The following USO1 variants were observed in gnomAD, a reference collection of about 807,000 sequenced individuals.
USO1 encodes the protein USO1 vesicle transport factor.
Under a neutral mutation model 124.5 loss-of-function variants are expected in USO1, and 57 were observed. The observed-to-expected ratio is 0.46, with a 90% confidence interval of 0.37 to 0.57. The LOEUF is 0.57. Among genes scored for constraint, USO1 ranks in the 20% least tolerant of loss-of-function variants. The pLI is 0.00. For synonymous variants in USO1, 369 were observed against 362.8 expected, an observed-to-expected ratio of 1.02 and a Z score of -0.19; for missense variants, 900 against 1,040.6, an observed-to-expected ratio of 0.86 and a Z score of 1.86.
intron 4 of USO1, among the ~76,000 whole-genome samples, chr4:75,765,194 G>A (rs1217682813): frequency 1.3e-5 from 2 of 152,130 alleles, no homozygotes; most frequent in Non-Finnish European, 2.9e-5. Context: ...TTTCTTGAGG[G>A]AGACAATTCT....
intron 1 of USO1, among the ~76,000 whole-genome samples, chr4:75,735,620 A>C (rs1231747923): frequency 3.3e-5 from 5 of 152,036 alleles, no homozygotes; most frequent in Non-Finnish European, 7.4e-5. Context: ...TCCTATACTC[A>C]AGCAACCTTC....
chr4:75,805,658 G>A (rs1040847895), intron 19 of USO1, among the ~76,000 whole-genome samples: 8 of 149,604 alleles, frequency 5.3e-5, no homozygotes, highest in Non-Finnish European at 1.2e-4. Flanking sequence ...AGTGAGCCGA[G>A]ATCACCCCAC....
intron 1 of USO1, 89 bp downstream of exon 1, chr4:75,724,974 GTCCC>G: frequency 1.4e-6 from 2 of 1,445,744 alleles, no homozygotes; most frequent in Non-Finnish European, 1.9e-6. Context: ...CACCTCCAGC[GTCCC>G]ACCATGGAGG....
rs1722146421 is a variant in USO1, at chr4:75,778,983, C to T, written c.677-3697C>T. Reference sequence around the variant, plus strand: ...TTGACTCCATTTATCCAACAGCACGCCCTCACTTCATGTCTCTGTCACAAT... The same window carrying T: ...TTGACTCCATTTATCCAACAGCACGTCCTCACTTCATGTCTCTGTCACAAT... On this transcript the variant is annotated intron_variant, in intron 8 of 23. Transcript: ENST00000514213. Among the ~76,000 whole-genome samples the T allele has an allele frequency of 3.9e-5, 6 of 152,138 alleles. No homozygotes were observed. In the South Asian group the frequency reaches 1.2e-3, roughly 32 times the overall value.
chr4:75,737,363 A>G (rs910444740), intron 1 of USO1, among the ~76,000 whole-genome samples: 2 of 152,250 alleles, frequency 1.3e-5, no homozygotes, highest in Non-Finnish European at 2.9e-5. Flanking sequence ...GCACATTAGC[A>G]TGTAAACCTC....
intron 7 of USO1, among the ~76,000 whole-genome samples, chr4:75,772,612 A>G (rs1009447857): frequency 3.9e-5 from 6 of 152,110 alleles, no homozygotes; most frequent in East Asian, 1.9e-4. Flanking sequence ...GTATCTATCT[A>G]TTAGAAATTT....
intron 8 of USO1, among the ~76,000 whole-genome samples, chr4:75,781,546 C>G (rs1013868422): frequency 6.6e-6 from 1 of 152,128 alleles, no homozygotes; most frequent in African/African-American, 2.4e-5. Context: ...ATTCTTTGGA[C>G]ATGATGCTAT....
intron 4 of USO1, chr4:75,760,727 A>G (rs957091245): frequency 1.1e-4 from 44 of 390,968 alleles, no homozygotes; most frequent in Admixed American, 4.4e-5. Flanking sequence ...TTGTTTTACT[A>G]TATAAGAATT....
At chr4:75,751,656 C>G (rs1721299903) in intron 1 of USO1, among the ~76,000 whole-genome samples, 1 of 150,910 alleles carries the variant, frequency 6.6e-6, no homozygotes. Flanking sequence ...TATGGTGAAA[C>G]CCTGTCTCTA....
At chr4:75,732,373 C>T (rs1358821015) in intron 1 of USO1, among the ~76,000 whole-genome samples, 2 of 152,110 alleles carry the variant, frequency 1.3e-5, no homozygotes, top group Middle Eastern at 3.2e-3. Flanking sequence ...TATTCCATGG[C>T]ATATATGTAC....
At chr4:75,729,147 T>A (rs1439026373) in intron 1 of USO1, among the ~76,000 whole-genome samples, 1 of 152,156 alleles carries the variant, frequency 6.6e-6, no homozygotes, top group Non-Finnish European at 1.5e-5. Context: ...TGACACTGAT[T>A]TCTGGTGATT....
intron 17 of USO1, among the ~76,000 whole-genome samples, 186 bp downstream of exon 17, chr4:75,801,386 A>ATT (rs1560460466): frequency 6.6e-6 from 1 of 152,228 alleles, no homozygotes; most frequent in South Asian, 2.1e-4. Context: ...CAGCTGATTT[A>ATT]TTAGATAATG....
intron 1 of USO1, among the ~76,000 whole-genome samples, chr4:75,742,428 A>G (rs2149145059): frequency 6.6e-6 from 1 of 152,312 alleles, no homozygotes; most frequent in South Asian, 2.1e-4. Flanking sequence ...GGCCATGCGT[A>G]TTTTAAAATT....
intron 19 of USO1, among the ~76,000 whole-genome samples, chr4:75,806,032 C>T (rs1276698527): frequency 6.6e-6 from 1 of 151,952 alleles, no homozygotes; most frequent in Non-Finnish European, 1.5e-5. Flanking sequence ...GCTCTGTTAG[C>T]CCAGTCTGGA....
chr4:75,757,384 T>G, intron 3 of USO1, 113 bp from the exon 4 acceptor site: 1 of 958,916 alleles, frequency 1.0e-6, no homozygotes, highest in South Asian at 2.3e-5. Context: ...GATATTTTCT[T>G]AGAGTATGCC....
chr4:75,804,983 A>G (rs1003879930), intron 18 of USO1, 157 bp from the exon 19 acceptor site: 11 of 949,284 alleles, frequency 1.2e-5, no homozygotes, highest in African/African-American at 1.7e-5. Flanking sequence ...TCAGTTCACT[A>G]TTTTTATCAG....
rs191586378 is a variant in USO1 at position 75,805,026 on chromosome 4, A to G, written c.2126-114A>G. The G allele has an allele frequency of 1.1e-5, 15 of 1,354,962 alleles. No homozygotes were observed. The Admixed American group carries it at 2.2e-4, about 20-fold the overall frequency. 83.9% of individuals were successfully genotyped at this position (1,354,962 alleles called of 1,614,324 possible). On this transcript the variant is annotated intron_variant, in intron 18 of 23. Coordinates refer to ENST00000514213, the MANE Select transcript of USO1 (RefSeq NM_003715.4). ...TTCTGCAAAGATGAAATGTGATTGC[A>G]AAAGTGCTGCCAAAGTAATTGAATG...
chr4:75,761,901 G>A (rs1372200662), intron 4 of USO1, among the ~76,000 whole-genome samples: 1 of 152,094 alleles, frequency 6.6e-6, no homozygotes, highest in Non-Finnish European at 1.5e-5. Context: ...TGAATCTCTT[G>A]TTTGACATCA....
intron 4 of USO1, among the ~76,000 whole-genome samples, chr4:75,766,185 T>G (rs1721765403): frequency 1.3e-5 from 2 of 152,184 alleles, no homozygotes; most frequent in East Asian, 3.8e-4. Flanking sequence ...AGGTAAAATA[T>G]CAAGACTTAC....
Sources: allele counts gnomAD v4.1 joint callset (sites outside exome capture counted in the v4.1 genomes callset), GRCh38; gene constraint gnomAD v4.1.1; transcripts MANE v1.5; gene names NCBI Gene and HGNC (gene_info 2026-07-23, HGNC 2026-07-21).